The following SDSL variants were observed in gnomAD, a reference collection of about 807,000 sequenced individuals.
SDSL encodes serine dehydratase-like.
In SDSL, 26 loss-of-function variants were observed where a neutral mutation model predicts 27.6. The ratio of observed to expected loss-of-function variants is 0.94; its 90% CI spans 0.69 to 1.31. The LOEUF is 1.31. Among genes scored for constraint, SDSL ranks in the 50% most tolerant of loss-of-function variants. The probability of loss-of-function intolerance (pLI) is 0.00; values close to 1 mark genes in which losing one functional copy is unlikely to be tolerated. For synonymous variants in SDSL, 196 were observed against 180.6 expected (o/e 1.09, Z -0.69); for missense variants, 431 against 423.5 (o/e 1.02, Z -0.16).
intron 1 of SDSL, chr12:113,422,973 C>A (rs949434441): frequency 3.3e-5 from 5 of 152,284 alleles, no homozygotes; most frequent in African/African-American, 1.2e-4. Flanking sequence ...CTGGGTTATT[C>A]CACAGCAGGG....
At chr12:113,431,872 G>A (rs1035394163) in intron 4 of SDSL, among the ~76,000 whole-genome samples, 6 of 151,474 alleles carry the variant, frequency 4.0e-5, no homozygotes, top group Non-Finnish European at 8.8e-5. Context: ...CCGAGTAGCT[G>A]GGACTACAGG....
intron 4 of SDSL, among the ~76,000 whole-genome samples, chr12:113,430,600 T>C (rs745728594): frequency 3.3e-5 from 5 of 152,148 alleles, no homozygotes; most frequent in Non-Finnish European, 7.3e-5. Context: ...AAGAAACGCA[T>C]GACGGCTCTT....
In SDSL at chr12:113,428,212, G is replaced by A. The variant is rs1208470533; in HGVS notation, c.174+56G>A. 2.2e-5 allele frequency: 33 copies of A among 1,519,210 alleles called. No homozygotes were observed. The South Asian group carries it at 3.0e-4, about 14-fold the overall frequency. The allele number at this position is 1,519,210 out of a possible 1,614,324, so 94.1% of individuals were successfully genotyped here. A position where few individuals can be genotyped will look rare whatever the true frequency, so the allele number is the denominator to read the frequency against. ...GAGGTTGTGCAGGAGGGAGGGAAGAGTGAGGGGTGTGGGCTGGGGACGGGT... is the reference window on the plus strand; with the variant it reads ...GAGGTTGTGCAGGAGGGAGGGAAGAATGAGGGGTGTGGGCTGGGGACGGGT... On this transcript the variant is annotated intron_variant, in intron 2 of 7. Transcript: ENST00000403593.
At chr12:113,424,953 CT>C (rs1350074797) in intron 1 of SDSL, among the ~76,000 whole-genome samples, 1 of 152,148 alleles carries the variant, frequency 6.6e-6, no homozygotes, top group Non-Finnish European at 1.5e-5. Flanking sequence ...CCACGCTGGT[CT>C]TGAACTCCTG....
At position 113,436,845 on chromosome 12, in the gene SDSL, G is replaced by A. The variant is rs770711798; in HGVS notation, c.766G>A (p.Glu256Lys). 1.9e-5 allele frequency: 30 copies of A among 1,610,920 alleles called. No homozygotes were observed. Among genetic ancestry groups the A allele is most frequent in the Middle Eastern group, 1.7e-4 (1 of 6,054 alleles). The change falls in exon 7 of 8, where the codon GAG (glutamate) becomes AAG (lysine). Residue 256 changes from glutamate to lysine, a missense_variant. Transcript: ENST00000403593. Reference sequence around the variant, plus strand: ...TCACTCTGAAGTGGTGGAGGACACCGAGGCTGTGAGCGCTGTGCAGCAGCT... The same window carrying A: ...TCACTCTGAAGTGGTGGAGGACACCAAGGCTGTGAGCGCTGTGCAGCAGCT... ...KIHSEVVEDTEAVSAVQQLLD... is the reference protein window; with the variant it reads ...KIHSEVVEDTKAVSAVQQLLD...
chr12:113,427,679 C>T (rs1161611631), intron 1 of SDSL, among the ~76,000 whole-genome samples: 1 of 152,166 alleles, frequency 6.6e-6, no homozygotes, highest in African/African-American at 2.4e-5. Context: ...GGAATGAATT[C>T]TCCCACTCTC....
At chr12:113,425,579 G>A (rs910695224) in intron 1 of SDSL, 1 of 443,536 alleles carries the variant, frequency 2.3e-6, no homozygotes, top group African/African-American at 2.0e-5. Flanking sequence ...CCTGGGACAA[G>A]AGGAGCTGGC....
At chr12:113,432,219 T>G (rs555614245) in intron 4 of SDSL, among the ~76,000 whole-genome samples, 1 of 7,110 alleles carries the variant, frequency 1.4e-4, no homozygotes, top group Admixed American at 1.2e-3. Context: ...CTTCTTTCTT[T>G]CTTTCTTTCT....
chr12:113,438,007 A>C lies in SDSL; in HGVS notation c.918A>C (p.Val306=), dbSNP rs754497836. 9.3e-6 allele frequency: 15 copies of C among 1,614,080 alleles called. No individual in the cohort carries two copies. In the Admixed American group the frequency reaches 1.2e-4, roughly 13 times the overall value. The change falls in exon 8 of 8, where the codon GTA becomes GTC. Residue 306 remains valine, a synonymous_variant. Coordinates refer to ENST00000403593, the MANE Select transcript of SDSL (RefSeq NM_001304993.2). ...CCCCTTCCCTGACTTCAGTTGTGGT[A>C]ATCGTGTGTGGAGGCAACAACATCA... ...CLPPSLTSVV[V]IVCGGNNINS...
chr12:113,429,487 T>C (rs2136953023), intron 4 of SDSL, among the ~76,000 whole-genome samples, 188 bp downstream of exon 4: 1 of 152,214 alleles, frequency 6.6e-6, no homozygotes, highest in South Asian at 2.1e-4. Flanking sequence ...CTCCCAACTT[T>C]CCTCTGCCCA....
At chr12:113,428,322 G>T in intron 2 of SDSL, 98 bp from the exon 3 acceptor site, 2 of 1,346,170 alleles carry the variant, frequency 1.5e-6, no homozygotes, top group East Asian at 2.4e-5. Context: ...GGGTAAAGGC[G>T]TATTGGGAGT....
intron 1 of SDSL, among the ~76,000 whole-genome samples, chr12:113,427,602 C>T (rs902201585): frequency 1.3e-5 from 2 of 152,170 alleles, no homozygotes; most frequent in African/African-American, 4.8e-5. Context: ...TTTTTTATGA[C>T]TCGTGGGTCC....
At chr12:113,424,627 C>G (rs966378688) in intron 1 of SDSL, among the ~76,000 whole-genome samples, 1 of 152,168 alleles carries the variant, frequency 6.6e-6, no homozygotes, top group Non-Finnish European at 1.5e-5. Flanking sequence ...AGCAGGTCAC[C>G]ATGCTCAAAG....
chr12:113,435,184 C>A (rs1957972337), intron 5 of SDSL, 145 bp from the exon 6 acceptor site: 2 of 527,662 alleles, frequency 3.8e-6, no homozygotes, highest in South Asian at 3.0e-5. Context: ...TCTCCCCTCA[C>A]CGTGGATGGG....
rs373709268 is a variant in SDSL, at chr12:113,435,338, C to T, written c.453C>T (p.His151=). The change falls in exon 6 of 8, where the codon CAC becomes CAT. Residue 151 remains histidine, a synonymous_variant. Coordinates refer to ENST00000403593, the MANE Select transcript of SDSL (RefSeq NM_001304993.2). Reference sequence around the variant, plus strand: ...CACCCCCCCTCCCCAGGAAAGGCCACGCCAGCCTGGTGCAGGAGCTGAAAG... The same window carrying T: ...CACCCCCCCTCCCCAGGAAAGGCCATGCCAGCCTGGTGCAGGAGCTGAAAG... The part of the protein sequence containing the change: ...PFDHPLIWKG[H]ASLVQELKAV... 3.8e-5 allele frequency: 58 copies of T among 1,527,618 alleles called. No individual in the cohort carries two copies. Among genetic ancestry groups the T allele is most frequent in the South Asian group, 5.1e-5 (4 of 79,124 alleles). The allele number at this position is 1,527,618 out of a possible 1,614,324, so 94.6% of individuals were successfully genotyped here. A position where few individuals can be genotyped will look rare whatever the true frequency, so the allele number is the denominator to read the frequency against.
In SDSL at chr12:113,438,039, G is replaced by T. The variant is rs147223783; in HGVS notation, c.950G>T (p.Arg317Leu). The T allele has an allele frequency of 3.7e-6, 6 of 1,613,980 alleles. No individual in the cohort carries two copies. The African/African-American group carries it at 8.0e-5, about 22-fold the overall frequency. Residue 317 changes from arginine (R) to leucine (L), a missense_variant, in exon 8 of 8, where the codon CGA becomes CTA. Coordinates refer to ENST00000403593, the MANE Select transcript of SDSL (RefSeq NM_001304993.2). Reference protein sequence around the residue: ...IVCGGNNINSRELQALKTHLG... With the variant: ...IVCGGNNINSLELQALKTHLG... ...TGTGGAGGCAACAACATCAACAGCC[G>T]AGAGCTGCAGGCTTTGAAAACCCAC...
Position 113,435,516 on chromosome 12 carries a change from A to C in SDSL, c.631A>C (p.Ile211Leu). The part of the protein sequence containing the change: ...THGAHCFNAA[I>L]TAGKLVTLPD... The stretch of plus-strand genomic sequence containing the variant: ...TGGGGCACACTGCTTCAATGCGGCC[A>C]TCACAGCCGGCAAGCTGGTCACACT... Residue 211 changes from isoleucine (I) to leucine (L), a missense_variant, in exon 6 of 8, where the codon ATC (isoleucine) becomes CTC (leucine). By Grantham distance (5) the Ile-to-Leu change is conservative. Transcript: ENST00000403593. 9 of 1,614,056 alleles carry C rather than the reference A, an allele frequency of 5.6e-6. No individual in the cohort carries two copies. Among genetic ancestry groups the C allele is most frequent in the Non-Finnish European group, 7.6e-6 (9 of 1,179,962 alleles).
At chr12:113,426,206 C>T (rs1057063730) in intron 1 of SDSL, 1 of 456,002 alleles carries the variant, frequency 2.2e-6, no homozygotes, top group Non-Finnish European at 4.4e-6. Context: ...GCATTTCTCC[C>T]TCGAGGTGGT....
intron 1 of SDSL, among the ~76,000 whole-genome samples, chr12:113,424,654 A>G (rs1957827353): frequency 6.6e-6 from 1 of 152,188 alleles, no homozygotes; most frequent in Admixed American, 6.5e-5. Context: ...ACAAGGTATC[A>G]GTGAGATAAC....
Sources: allele counts gnomAD v4.1 joint callset (sites outside exome capture counted in the v4.1 genomes callset), GRCh38; gene constraint gnomAD v4.1.1; transcripts MANE v1.5; gene names NCBI Gene and HGNC (gene_info 2026-07-23, HGNC 2026-07-21).